Variants in CACNB2 observed in about 807,000 individuals in gnomAD.
CACNB2 encodes the protein voltage-dependent L-type calcium channel subunit beta-2.
A neutral mutation model predicts 73.3 loss-of-function variants in CACNB2; 42 were observed. The observed-to-expected ratio is 0.57, with a 90% CI of 0.45 to 0.74. The LOEUF (loss-of-function observed/expected upper bound fraction) is 0.74, where lower values mean the gene tolerates loss of function less well. CACNB2 is among the 30% of genes least tolerant of loss of function. The pLI, the probability that CACNB2 is intolerant of heterozygous loss-of-function variation, is 0.00. For missense variants in CACNB2, 940 were observed against 853.0 expected (o/e 1.10, Z -1.27); for synonymous variants, 348 against 310.3 (o/e 1.12, Z -1.28).
intron 2 of CACNB2, among the ~76,000 whole-genome samples, chr10:18,268,002 T>G (rs2037886484): frequency 1.3e-5 from 2 of 152,366 alleles, no homozygotes; most frequent in South Asian, 4.1e-4. Flanking sequence ...TGTGTTAAAC[T>G]ATGAAAACAC....
chr10:18,503,865 A>G (rs556870629), intron 5 of CACNB2, among the ~76,000 whole-genome samples: 2 of 152,284 alleles, frequency 1.3e-5, no homozygotes, highest in South Asian at 4.1e-4. Flanking sequence ...GTCATCATGT[A>G]CACTGTGAAT....
intron 2 of CACNB2, among the ~76,000 whole-genome samples, chr10:18,220,232 TAGAGAGAGAGAGAGAGAG>T (rs1169176468): frequency 4.0e-4 from 10 of 25,092 alleles, no homozygotes; most frequent in South Asian, 1.9e-3. Context: ...TATATATATA[TAGAGAGAGAGAGAGAGAG>T]AGAGAGAGAG....
intron 2 of CACNB2, among the ~76,000 whole-genome samples, chr10:18,238,726 A>G (rs967909070): frequency 6.6e-6 from 1 of 152,200 alleles, no homozygotes; most frequent in East Asian, 1.9e-4. Flanking sequence ...GAGTAGCTTC[A>G]TTCAGATAAT....
chr10:18,505,064 T>C (rs746421761), intron 5 of CACNB2, among the ~76,000 whole-genome samples: 8 of 152,150 alleles, frequency 5.3e-5, no homozygotes, highest in Non-Finnish European at 8.8e-5. Context: ...GGAATTGGGG[T>C]ACCGTTCAAG....
Position 18,538,267 on chromosome 10 carries a change from A to G in CACNB2, c.1390A>G (p.Thr464Ala). ...CTATCTGGAGGCCTACTGGAAGGCC[A>G]CCCATCCTCCCAGCAGTAGCCTCCC... The part of the protein sequence containing the change: ...ADYLEAYWKA[T>A]HPPSSSLPNP... The change falls in exon 13 of 14, where the codon ACC becomes GCC. Residue 464 changes from threonine (T) to alanine (A), a missense_variant. Coordinates refer to ENST00000324631, the MANE Select transcript of CACNB2 (RefSeq NM_201596.3). The G allele has an allele frequency of 4.3e-6, 7 of 1,613,946 alleles. No individual in the cohort carries two copies. The highest frequency in any genetic ancestry group is 5.1e-6 in the Non-Finnish European group (6 of 1,179,854).
chr10:18,236,323 C>T (rs1300073481), intron 2 of CACNB2, among the ~76,000 whole-genome samples: 1 of 152,304 alleles, frequency 6.6e-6, no homozygotes, highest in East Asian at 1.9e-4. Context: ...TACAGTACCA[C>T]CTAGTCTCCA....
In CACNB2 at chr10:18,326,146, C is replaced by T. The variant is rs2040583054; in HGVS notation, c.214-75778C>T. On this transcript the variant is annotated intron_variant, in intron 2 of 13. Transcript: ENST00000324631. ...CATTAACAGAAGATATGAGCTACTA[C>T]AGTTATTCAGAGTTAGTGTACAGAA... is the stretch of plus-strand genomic sequence containing the variant. Among the ~76,000 whole-genome samples the T allele has an allele frequency of 2.0e-5, 3 of 151,836 alleles. No homozygotes were observed. In the East Asian group the frequency reaches 5.8e-4, roughly 29 times the overall value.
intron 2 of CACNB2, among the ~76,000 whole-genome samples, chr10:18,309,498 G>A (rs191111361): frequency 9.2e-5 from 14 of 151,910 alleles, no homozygotes; most frequent in Non-Finnish European, 1.5e-4. Context: ...TCGCTCTGTC[G>A]CCAGGCTGGA....
intron 1 of CACNB2, among the ~76,000 whole-genome samples, chr10:18,142,144 G>A (rs1240929586): frequency 1.3e-5 from 2 of 152,236 alleles, no homozygotes; most frequent in Non-Finnish European, 2.9e-5. Context: ...GTTCCAAGTG[G>A]CATAGTAGTC....
chr10:18,429,887 G>A (rs2045798865), intron 3 of CACNB2, among the ~76,000 whole-genome samples: 2 of 152,014 alleles, frequency 1.3e-5, no homozygotes, highest in South Asian at 4.2e-4. Flanking sequence ...GCTGGGGTGG[G>A]AAGATCACTT....
intron 2 of CACNB2, among the ~76,000 whole-genome samples, chr10:18,224,653 A>G (rs1041430087): frequency 2.6e-5 from 4 of 152,132 alleles, no homozygotes; most frequent in African/African-American, 4.8e-5. Flanking sequence ...TGTGTCAGAG[A>G]GTAGGAGGTT....
In CACNB2 at chr10:18,539,804, G is replaced by T; in HGVS notation, c.*80G>T. 2 of 1,380,362 alleles carry T rather than the reference G, an allele frequency of 1.4e-6. No homozygotes were observed. The highest frequency in any genetic ancestry group is 1.9e-4 in the Middle Eastern group (1 of 5,390). 85.5% of individuals were successfully genotyped at this position (1,380,362 alleles called of 1,614,324 possible). A position where few individuals can be genotyped will look rare whatever the true frequency, so the allele number is the denominator to read the frequency against. On this transcript the variant is annotated 3_prime_UTR_variant, in exon 14 of 14. Transcript: ENST00000324631. ...AGCATCCCCAAAACAAAGTCTTTGG[G>T]GTCTACACTGCAATCATATGTGATC...
At chr10:18,255,099 G>A (rs193156010) in intron 2 of CACNB2, among the ~76,000 whole-genome samples, 1 of 152,146 alleles carries the variant, frequency 6.6e-6, no homozygotes, top group South Asian at 2.1e-4. Flanking sequence ...TCCTGCCAAA[G>A]TGGATTTTAA....
At chr10:18,395,546 G>A (rs944408989) in intron 2 of CACNB2, among the ~76,000 whole-genome samples, 2 of 152,118 alleles carry the variant, frequency 1.3e-5, no homozygotes, top group Non-Finnish European at 2.9e-5. Flanking sequence ...CACAGTTACA[G>A]CACAGAGTTT....
intron 3 of CACNB2, among the ~76,000 whole-genome samples, chr10:18,491,065 C>T (rs754478635): frequency 6.6e-6 from 1 of 152,204 alleles, no homozygotes; most frequent in Non-Finnish European, 1.5e-5. Flanking sequence ...CCCGTGAAAC[C>T]TCTGGAACAC....
intron 3 of CACNB2, among the ~76,000 whole-genome samples, chr10:18,453,146 G>A (rs1480576739): frequency 2.0e-5 from 3 of 152,120 alleles, no homozygotes; most frequent in African/African-American, 7.2e-5. Flanking sequence ...TATTAGAACA[G>A]CCTTTTGACC....
At chr10:18,383,780 G>C (rs1445395899) in intron 2 of CACNB2, among the ~76,000 whole-genome samples, 1 of 151,974 alleles carries the variant, frequency 6.6e-6, no homozygotes, top group African/African-American at 2.4e-5. Context: ...ATCTCGACTC[G>C]GTACAACCTC....
intron 3 of CACNB2, among the ~76,000 whole-genome samples, chr10:18,486,958 T>G (rs943632878): frequency 5.3e-5 from 8 of 152,254 alleles, no homozygotes; most frequent in Admixed American, 5.2e-4. Context: ...AGAATAGCTC[T>G]CTCTCTCTCT....
chr10:18,168,500 T>C (rs1019163020), intron 2 of CACNB2, among the ~76,000 whole-genome samples: 12 of 150,600 alleles, frequency 8.0e-5, no homozygotes, highest in African/African-American at 2.9e-4. Flanking sequence ...TCCTTCTTTG[T>C]GTGTGTGTGT....
Sources: gnomAD v4.1 joint callset for allele counts (sites outside exome capture counted in the v4.1 genomes callset) on GRCh38, gnomAD v4.1.1 for gene constraint, MANE v1.5 for transcripts, NCBI Gene and HGNC (gene_info 2026-07-23, HGNC 2026-07-21) for gene names.